The following CERT1 variants were observed in gnomAD, a reference collection of about 807,000 sequenced individuals.
CERT1 encodes the protein ceramide transfer protein.
In CERT1, 31 loss-of-function variants were observed where a neutral mutation model predicts 87.9. That is an observed-to-expected ratio of 0.35 (90% CI 0.27 to 0.48). The LOEUF (loss-of-function observed/expected upper bound fraction) is 0.48. Among genes scored for constraint, CERT1 ranks in the 20% least tolerant of loss-of-function variants. The pLI is 0.99. For missense variants in CERT1, 487 were observed against 758.0 expected (o/e 0.64, Z 4.20); for synonymous variants, 289 against 250.9 (o/e 1.15, Z -1.44).
At chr5:75,398,019 G>A (rs1370871886) in intron 11 of CERT1, among the ~76,000 whole-genome samples, 2 of 151,660 alleles carry the variant, frequency 1.3e-5, no homozygotes, top group African/African-American at 2.4e-5. Flanking sequence ...ACCCTGTCTC[G>A]AAAATAAATA....
chr5:75,392,562 G>A (rs1272070997), intron 11 of CERT1, among the ~76,000 whole-genome samples: 3 of 152,092 alleles, frequency 2.0e-5, no homozygotes, highest in Non-Finnish European at 1.5e-5. Context: ...AAAATACAAA[G>A]TAACCAATAT....
chr5:75,494,152 T>C (rs1262688430), intron 2 of CERT1, among the ~76,000 whole-genome samples: 2 of 152,248 alleles, frequency 1.3e-5, no homozygotes, highest in Non-Finnish European at 2.9e-5. Flanking sequence ...CTTTGCTGTC[T>C]GCTCATTTTT....
At chr5:75,476,815 G>A (rs958442439) in intron 2 of CERT1, among the ~76,000 whole-genome samples, 1 of 152,020 alleles carries the variant, frequency 6.6e-6, no homozygotes, top group Admixed American at 6.6e-5. Flanking sequence ...GCCCTTCCTT[G>A]GAGGCAAAAC....
intron 3 of CERT1, among the ~76,000 whole-genome samples, chr5:75,434,871 CTTCT>C (rs1048273107): frequency 1.3e-5 from 2 of 151,844 alleles, no homozygotes; most frequent in Admixed American, 6.6e-5. Flanking sequence ...TTATTTGGAT[CTTCT>C]TTTTTTCATT....
intron 2 of CERT1, among the ~76,000 whole-genome samples, chr5:75,488,065 AGAGG>A (rs755291361): frequency 3.8e-4 from 58 of 152,232 alleles, no homozygotes; most frequent in Non-Finnish European, 7.5e-4. Flanking sequence ...TGGGAAGATT[AGAGG>A]GAGGGAGTGT....
Position 75,425,344 on chromosome 5 carries a change from G to T in CERT1, c.595+17C>A. 6.2e-7 allele frequency: 1 copy of T among 1,607,280 alleles called. No individual in the cohort carries two copies. The highest frequency in any genetic ancestry group is 8.5e-7 in the Non-Finnish European group (1 of 1,176,286). ...ATTCATTCTCCAAGTAAAAATAGTG[G>T]TAATAGCCTAATTAACCTTTATCCC... is the stretch of plus-strand genomic sequence containing the variant. On this transcript the variant is annotated intron_variant, in intron 5 of 16. Coordinates refer to ENST00000643780, the MANE Select transcript of CERT1 (RefSeq NM_001379029.1).
At chr5:75,477,425 G>T (rs1766005746) in intron 2 of CERT1, among the ~76,000 whole-genome samples, 1 of 151,348 alleles carries the variant, frequency 6.6e-6, no homozygotes, top group African/African-American at 2.4e-5. Context: ...ACTCTCTGTT[G>T]TGTTTCCATG....
chr5:75,432,198 C>A (rs1470937282), intron 3 of CERT1, among the ~76,000 whole-genome samples: 3 of 152,094 alleles, frequency 2.0e-5, no homozygotes, highest in Non-Finnish European at 4.4e-5. Flanking sequence ...ACTACAGGCG[C>A]TAGCCACCAC....
chr5:75,502,889 TCTAAGTATCAAG>T (rs1767446651), intron 2 of CERT1, among the ~76,000 whole-genome samples: 1 of 152,086 alleles, frequency 6.6e-6, no homozygotes, highest in Admixed American at 6.5e-5. Context: ...GGCTGGGTCT[TCTAAGTATCAAG>T]CTATAATAAC....
chr5:75,399,228 CAA>C (rs1762373508), intron 11 of CERT1, 80 bp downstream of exon 11: 1 of 1,081,914 alleles, frequency 9.2e-7, no homozygotes, highest in Non-Finnish European at 1.4e-6. Flanking sequence ...GTGGCCTAAC[CAA>C]AAGATTTCTA....
chr5:75,511,524 TA>T lies in CERT1; in HGVS notation c.-318del. ...TAGCCCCCTCGATGCCAATTTCAAA[TA>T]GGGAAGGAAAAGGGAAAAGAAGGGA... On this transcript the variant is annotated 5_prime_UTR_variant, in exon 1 of 17. Transcript: ENST00000643780. The T allele has an allele frequency of 6.8e-7, 1 of 1,467,998 alleles. No homozygotes were observed. The highest frequency in any genetic ancestry group is 1.4e-5 in the African/African-American group (1 of 70,658). 90.9% of individuals were successfully genotyped at this position (1,467,998 alleles called of 1,614,324 possible). A position where few individuals can be genotyped will look rare whatever the true frequency, so the allele number is the denominator to read the frequency against.
At chr5:75,497,269 G>A (rs924081689) in intron 2 of CERT1, among the ~76,000 whole-genome samples, 15 of 152,040 alleles carry the variant, frequency 9.9e-5, no homozygotes, top group African/African-American at 3.6e-4. Flanking sequence ...TTTAACTGTA[G>A]GCTTTACTCC....
intron 5 of CERT1, among the ~76,000 whole-genome samples, chr5:75,421,627 C>A (rs1207255203): frequency 6.6e-6 from 1 of 152,102 alleles, no homozygotes; most frequent in Non-Finnish European, 1.5e-5. Context: ...TATTTTTAAA[C>A]CATACTCAGA....
At chr5:75,486,429 T>A (rs927456895) in intron 2 of CERT1, among the ~76,000 whole-genome samples, 1 of 151,920 alleles carries the variant, frequency 6.6e-6, no homozygotes, top group African/African-American at 2.4e-5. Context: ...TCCTGTAAGA[T>A]CTGAAAGACA....
At position 75,478,909 on chromosome 5, in the gene CERT1, T is replaced by TAAAAAAAAAAAAAAA. The variant is rs11438163; in HGVS notation, c.232-19743_232-19729dup. ...AAATCTTGAGCTTGAAAGTAAGTAC[T>TAAAAAAAAAAAAAAA]AAAAAAAAAAAAAAAAAAAAAAAAA... is the stretch of plus-strand genomic sequence containing the variant. On this transcript the variant is annotated intron_variant, in intron 2 of 16. Coordinates refer to ENST00000643780, the MANE Select transcript of CERT1 (RefSeq NM_001379029.1). Among the ~76,000 whole-genome samples the TAAAAAAAAAAAAAAA allele has an allele frequency of 4.1e-4, 9 of 21,764 alleles. 1 individual carries two copies. The highest frequency in any genetic ancestry group is 7.8e-4 in the Admixed American group (1 of 1,274). The allele number at this position is 21,764 out of a possible 152,430, so 14.3% of individuals were successfully genotyped here.
chr5:75,465,510 G>A (rs1467374758), intron 2 of CERT1, among the ~76,000 whole-genome samples: 1 of 152,242 alleles, frequency 6.6e-6, no homozygotes, highest in Non-Finnish European at 1.5e-5. Flanking sequence ...GTAAGCCACA[G>A]AAATTGATTC....
At chr5:75,474,848 AC>A (rs1360984781) in intron 2 of CERT1, among the ~76,000 whole-genome samples, 2 of 53,856 alleles carry the variant, frequency 3.7e-5, no homozygotes, top group African/African-American at 3.6e-4. Context: ...AGTCTATTAG[AC>A]TATATGAGTC....
intron 12 of CERT1, among the ~76,000 whole-genome samples, chr5:75,388,500 T>C (rs1761889152): frequency 6.6e-6 from 1 of 151,082 alleles, no homozygotes; most frequent in East Asian, 1.9e-4. Context: ...AATCTAATTG[T>C]TTCAAATCAC....
chr5:75,448,977 T>C (rs1225731620), intron 3 of CERT1, among the ~76,000 whole-genome samples: 1 of 152,182 alleles, frequency 6.6e-6, no homozygotes, highest in African/African-American at 2.4e-5. Flanking sequence ...GGCAAACACA[T>C]AGTAAACATT....
Sources: gnomAD v4.1 joint callset for allele counts (sites outside exome capture counted in the v4.1 genomes callset) on GRCh38, gnomAD v4.1.1 for gene constraint, MANE v1.5 for transcripts, NCBI Gene and HGNC (gene_info 2026-07-23, HGNC 2026-07-21) for gene names.